PAFAH1B2: variants seen among roughly 807,000 people sequenced by gnomAD.
PAFAH1B2 encodes platelet-activating factor acetylhydrolase IB subunit alpha2.
In PAFAH1B2, 8 loss-of-function variants were observed where a neutral mutation model predicts 28.0. The observed-to-expected ratio is 0.29, with a 90% CI of 0.17 to 0.52. The LOEUF (loss-of-function observed/expected upper bound fraction) is 0.52, where lower values mean the gene tolerates loss of function less well. PAFAH1B2 is among the 20% of genes least tolerant of loss of function. The probability of loss-of-function intolerance (pLI) is 0.97; values close to 1 mark genes in which losing one functional copy is unlikely to be tolerated. For missense variants in PAFAH1B2, 190 were observed against 282.6 expected, an observed-to-expected ratio of 0.67 and a Z score of 2.35; for synonymous variants, 104 against 103.2, an observed-to-expected ratio of 1.01 and a Z score of -0.05.
chr11:117,161,832 G>A (rs1211502977), intron 4 of PAFAH1B2, among the ~76,000 whole-genome samples: 2 of 152,032 alleles, frequency 1.3e-5, no homozygotes, highest in African/African-American at 4.8e-5. Flanking sequence ...TGATGCTAAC[G>A]AGGTATGCTA....
At position 117,168,445 on chromosome 11, in the gene PAFAH1B2, C is replaced by CGTTTGTTTTT. The variant is rs1359076423; in HGVS notation, c.*750_*751insGTTTTTGTTT. On this transcript the variant is annotated 3_prime_UTR_variant, in exon 6 of 6. Coordinates refer to ENST00000527958, the MANE Select transcript of PAFAH1B2 (RefSeq NM_002572.4). ...TTCCCCTTCATTCCCCCCGCCACCC[C>CGTTTGTTTTT]GTTTTTTTTTTTTTTTTTTTTTTTT... is the stretch of plus-strand genomic sequence containing the variant. The CGTTTGTTTTT allele has an allele frequency of 5.7e-6, 2 of 352,466 alleles. No homozygotes were observed. The highest frequency in any genetic ancestry group is 5.3e-5 in the African/African-American group (1 of 18,946). The allele number at this position is 352,466 out of a possible 1,614,324, so 21.8% of individuals were successfully genotyped here.
In PAFAH1B2 at chr11:117,170,791, A is replaced by G. The variant is rs960851177; in HGVS notation, c.*3092A>G. On this transcript the variant is annotated 3_prime_UTR_variant, in exon 6 of 6. Transcript: ENST00000527958. ...TGAAGAAGAAACTAAAAATATATGG[A>G]AATGAGGAGCATGTCCAAGCTCCTA... 3.8e-6 allele frequency: 4 copies of G among 1,060,402 alleles called. No homozygotes were observed. Among genetic ancestry groups the G allele is most frequent in the Non-Finnish European group, 3.4e-6 (3 of 876,250 alleles). 65.7% of individuals were successfully genotyped at this position (1,060,402 alleles called of 1,614,324 possible). A position where few individuals can be genotyped will look rare whatever the true frequency, so the allele number is the denominator to read the frequency against.
chr11:117,161,568 G>C (rs1956371613), intron 4 of PAFAH1B2, among the ~76,000 whole-genome samples: 1 of 151,294 alleles, frequency 6.6e-6, no homozygotes, highest in Non-Finnish European at 1.5e-5. Context: ...GAGTGCAGTG[G>C]TGTGATCTCA....
Position 117,168,722 on chromosome 11 carries a change from C to A in PAFAH1B2, c.*1023C>A. The A allele has an allele frequency of 9.5e-7, 1 of 1,052,104 alleles. No homozygotes were observed. Among genetic ancestry groups the A allele is most frequent in the Non-Finnish European group, 1.2e-6 (1 of 868,730 alleles). The allele number at this position is 1,052,104 out of a possible 1,614,324, so 65.2% of individuals were successfully genotyped here. A position where few individuals can be genotyped will look rare whatever the true frequency, so the allele number is the denominator to read the frequency against. ...AGAACTCTTGTTTCCCATTCCATAG[C>A]ACCTGACATTATTTCAAGTTTTATA... On this transcript the variant is annotated 3_prime_UTR_variant, in exon 6 of 6. Coordinates refer to ENST00000527958, the MANE Select transcript of PAFAH1B2 (RefSeq NM_002572.4).
At chr11:117,165,115 C>G (rs1329961070) in intron 5 of PAFAH1B2, among the ~76,000 whole-genome samples, 1 of 151,034 alleles carries the variant, frequency 6.6e-6, no homozygotes, top group Non-Finnish European at 1.5e-5. Flanking sequence ...GCCACCACAC[C>G]CGGCTAATTT....
intron 1 of PAFAH1B2, among the ~76,000 whole-genome samples, chr11:117,145,149 T>A (rs1020333334): frequency 3.3e-5 from 5 of 152,176 alleles, no homozygotes; most frequent in Non-Finnish European, 5.9e-5. Flanking sequence ...GTCAGCCAGC[T>A]AGATAAACCT....
downstream of PAFAH1B2, chr11:117,171,757 ATG>A: frequency 6.5e-7 from 1 of 1,533,834 alleles, no homozygotes; most frequent in South Asian, 1.2e-5. Context: ...GTGAGTTGGT[ATG>A]CCGGTATGAT....
chr11:117,169,379 G>T lies in PAFAH1B2; in HGVS notation c.*1680G>T. 3 of 1,051,138 alleles carry T rather than the reference G, an allele frequency of 2.9e-6. No individual in the cohort carries two copies. Among genetic ancestry groups the T allele is most frequent in the Non-Finnish European group, 3.4e-6 (3 of 870,422 alleles). 65.1% of individuals were successfully genotyped at this position (1,051,138 alleles called of 1,614,324 possible). A position where few individuals can be genotyped will look rare whatever the true frequency, so the allele number is the denominator to read the frequency against. On this transcript the variant is annotated 3_prime_UTR_variant, in exon 6 of 6. Coordinates refer to ENST00000527958, the MANE Select transcript of PAFAH1B2 (RefSeq NM_002572.4). ...CTGGATCTATAGATATTTTGAACTG[G>T]ACCAGGTGGGTATTGAAGTAACCCA...
downstream of PAFAH1B2, chr11:117,171,536 C>T (rs557351526): frequency 1.6e-3 from 884 of 569,192 alleles, 6 homozygotes; most frequent in South Asian, 5.6e-3. Context: ...ACTCTTGTCT[C>T]GGAAAAAAAA....
chr11:117,156,144 T>C (rs1956250132), intron 2 of PAFAH1B2, among the ~76,000 whole-genome samples: 2 of 152,212 alleles, frequency 1.3e-5, no homozygotes, highest in African/African-American at 4.8e-5. Context: ...GCTGTGATCA[T>C]GCACTGCACT....
chr11:117,163,660 G>A (rs561229542), intron 4 of PAFAH1B2, 110 bp from the exon 5 acceptor site: 25 of 1,119,836 alleles, frequency 2.2e-5, no homozygotes, highest in Middle Eastern at 2.2e-4. Context: ...GTGATAGAGC[G>A]AGACCCCATC....
At chr11:117,150,713 G>A (rs745380254) in intron 1 of PAFAH1B2, among the ~76,000 whole-genome samples, 8 of 152,126 alleles carry the variant, frequency 5.3e-5, no homozygotes, top group Non-Finnish European at 7.3e-5. Context: ...AAGCTTAGCT[G>A]TATTTGAGGA....
intron 5 of PAFAH1B2, 80 bp from the exon 6 acceptor site, chr11:117,167,341 C>T: frequency 7.3e-7 from 1 of 1,374,264 alleles, no homozygotes; most frequent in South Asian, 1.7e-5. Context: ...GGAGATGTTC[C>T]AGGAATATCT....
chr11:117,171,693 G>A (rs552704366), downstream of PAFAH1B2: 8 of 1,535,348 alleles, frequency 5.2e-6, no homozygotes, highest in African/African-American at 5.5e-5. Flanking sequence ...TTAACTGGTC[G>A]ATCGGGACCT....
At chr11:117,152,413 GA>G (rs1565262722) in intron 1 of PAFAH1B2, 27 bp from the exon 2 acceptor site, 1 of 1,404,736 alleles carries the variant, frequency 7.1e-7, no homozygotes, top group Non-Finnish European at 1.0e-6. Context: ...GTTAACAAAT[GA>G]AACATGACAT....
chr11:117,159,185 A>C (rs990302622), intron 2 of PAFAH1B2, among the ~76,000 whole-genome samples: 17 of 152,222 alleles, frequency 1.1e-4, no homozygotes, highest in Admixed American at 9.2e-4. Flanking sequence ...AGGAAAAGAT[A>C]AACTTCTAAA....
chr11:117,146,529 T>C (rs909307921), intron 1 of PAFAH1B2, among the ~76,000 whole-genome samples: 17 of 152,314 alleles, frequency 1.1e-4, no homozygotes, highest in African/African-American at 3.6e-4. Flanking sequence ...ACCTCGTCTC[T>C]ACGAAATTTA....
rs1180236775 is a variant in PAFAH1B2 at position 117,170,213 on chromosome 11, T to A, written c.*2514T>A. On this transcript the variant is annotated 3_prime_UTR_variant, in exon 6 of 6. Transcript: ENST00000527958. ...TAGTCTTTGTACTTTTTAAAAAATC[T>A]ATAAATTTAATGCACTGTCCAAGTG... 9.4e-7 allele frequency: 1 copy of A among 1,058,838 alleles called. No homozygotes were observed. The highest frequency in any genetic ancestry group is 1.1e-6 in the Non-Finnish European group (1 of 875,360). 65.6% of individuals were successfully genotyped at this position (1,058,838 alleles called of 1,614,324 possible). A position where few individuals can be genotyped will look rare whatever the true frequency, so the allele number is the denominator to read the frequency against.
chr11:117,175,439 T>A (rs1281662889), downstream of PAFAH1B2: 4 of 1,036,332 alleles, frequency 3.9e-6, no homozygotes, highest in African/African-American at 6.8e-5. Context: ...CAAGAAAATG[T>A]GCAGTTGCTG....
Sources: allele counts gnomAD v4.1 joint callset (sites outside exome capture counted in the v4.1 genomes callset), GRCh38; gene constraint gnomAD v4.1.1; transcripts MANE v1.5; gene names NCBI Gene and HGNC (gene_info 2026-07-23, HGNC 2026-07-21).